WWOX: variants seen among roughly 807,000 people sequenced by gnomAD.
The protein encoded by WWOX is WW domain-containing oxidoreductase.
WWOX carries 69 observed loss-of-function variants against 46.2 expected under a neutral mutation model. The observed-to-expected ratio is 1.49, with a 90% confidence interval of 1.23 to 1.82. The LOEUF is 1.82. Among genes scored for constraint, WWOX ranks in the 40% most tolerant of loss-of-function variants. WWOX has a pLI of 0.00. For synonymous variants in WWOX, 359 were observed against 202.6 expected, an observed-to-expected ratio of 1.77 and a Z score of -6.56; for missense variants, 919 against 542.6, an observed-to-expected ratio of 1.69 and a Z score of -6.89.
rs115066692 is a variant in WWOX at position 78,112,953 on chromosome 16, G to T, written c.231-2023G>T. ...ACTTCTGGCCTTCAGCGATCCTCCT[G>T]CCTTGACTTCCCAAAGCATTCATAT... On this transcript the variant is annotated intron_variant, in intron 3 of 8. Coordinates refer to ENST00000566780, the MANE Select transcript of WWOX (RefSeq NM_016373.4). Among the ~76,000 whole-genome samples, 316 of 152,078 alleles carry T rather than the reference G, an allele frequency of 2.1e-3. 1 individual carries two copies. The highest frequency in any genetic ancestry group is 7.4e-3 in the African/African-American group (307 of 41,490).
At chr16:78,858,256 G>C (rs1048275395) in intron 8 of WWOX, among the ~76,000 whole-genome samples, 4 of 149,734 alleles carry the variant, frequency 2.7e-5, no homozygotes, top group Non-Finnish European at 5.9e-5. Context: ...AAGTTCTTTA[G>C]TGGCGATTTA....
intron 7 of WWOX, among the ~76,000 whole-genome samples, chr16:78,428,488 CAG>C (rs1382700825): frequency 2.6e-5 from 4 of 152,200 alleles, no homozygotes; most frequent in African/African-American, 9.7e-5. Flanking sequence ...GGGCTCTTTG[CAG>C]AGAGAGTGCC....
At chr16:78,751,140 C>G (rs903128322) in intron 8 of WWOX, among the ~76,000 whole-genome samples, 15 of 152,136 alleles carry the variant, frequency 9.9e-5, no homozygotes, top group Admixed American at 6.5e-5. Flanking sequence ...ACCATTCCTA[C>G]TTCCAAAAAG....
intron 8 of WWOX, among the ~76,000 whole-genome samples, chr16:78,597,669 T>C (rs544023574): frequency 6.6e-6 from 1 of 152,156 alleles, no homozygotes; most frequent in South Asian, 2.1e-4. Flanking sequence ...TCCAAACCCC[T>C]AAATTGTGGT....
chr16:79,050,478 C>T (rs983682246), intron 8 of WWOX, among the ~76,000 whole-genome samples: 6 of 152,184 alleles, frequency 3.9e-5, no homozygotes, highest in African/African-American at 1.4e-4. Context: ...CTGGCATACC[C>T]ATTCCTCTGT....
chr16:78,130,883 G>A (rs968192178), intron 4 of WWOX, among the ~76,000 whole-genome samples: 1 of 152,192 alleles, frequency 6.6e-6, no homozygotes, highest in Non-Finnish European at 1.5e-5. Flanking sequence ...TCTGAGAAGT[G>A]TGTCAGGCAG....
chr16:79,069,497 C>G (rs1398155899), intron 8 of WWOX, among the ~76,000 whole-genome samples: 2 of 151,160 alleles, frequency 1.3e-5, no homozygotes, highest in East Asian at 1.9e-4. Context: ...TAAGAACCGA[C>G]TTATTTATCA....
At chr16:78,753,943 G>C (rs151193182) in intron 8 of WWOX, among the ~76,000 whole-genome samples, 188 of 147,316 alleles carry the variant, frequency 1.3e-3, no homozygotes, top group Middle Eastern at 3.6e-3. Flanking sequence ...GGCAGAAACA[G>C]GGGAATTCTG....
At chr16:78,659,753 T>A (rs2047169982) in intron 8 of WWOX, among the ~76,000 whole-genome samples, 1 of 152,204 alleles carries the variant, frequency 6.6e-6, no homozygotes, top group Admixed American at 6.5e-5. Flanking sequence ...TTTGCCCACA[T>A]GAAGATAGAA....
intron 8 of WWOX, among the ~76,000 whole-genome samples, chr16:78,586,307 G>A (rs2045206105): frequency 6.6e-6 from 1 of 152,302 alleles, no homozygotes; most frequent in Non-Finnish European, 1.5e-5. Flanking sequence ...TAAAAAGAAA[G>A]AGGTTTGGTG....
chr16:78,715,403 C>A (rs1265623939), intron 8 of WWOX, among the ~76,000 whole-genome samples: 1 of 152,134 alleles, frequency 6.6e-6, no homozygotes, highest in South Asian at 2.1e-4. Context: ...AGATGGCCAC[C>A]ACAGGTTCAC....
At chr16:78,933,871 G>C (rs759898899) in intron 8 of WWOX, among the ~76,000 whole-genome samples, 1 of 151,918 alleles carries the variant, frequency 6.6e-6, no homozygotes, top group African/African-American at 2.4e-5. Flanking sequence ...CATGAGATTT[G>C]GGTGGGGACA....
intron 5 of WWOX, among the ~76,000 whole-genome samples, chr16:78,198,953 A>G (rs2036145076): frequency 6.6e-6 from 1 of 151,734 alleles, no homozygotes; most frequent in Non-Finnish European, 1.5e-5. Flanking sequence ...CAATCCCTCT[A>G]CCTCTTCTTT....
At chr16:78,517,535 A>G (rs532075105) in intron 8 of WWOX, among the ~76,000 whole-genome samples, 1 of 152,328 alleles carries the variant, frequency 6.6e-6, no homozygotes, top group Non-Finnish European at 1.5e-5. Flanking sequence ...GTGGGATTCA[A>G]CAGGGGATAC....
intron 5 of WWOX, among the ~76,000 whole-genome samples, chr16:78,186,864 A>G (rs1265478754): frequency 6.6e-6 from 1 of 152,204 alleles, no homozygotes; most frequent in Non-Finnish European, 1.5e-5. Context: ...GGTTCTGGGT[A>G]CCCTTAACCC....
intron 8 of WWOX, among the ~76,000 whole-genome samples, chr16:78,474,141 T>C (rs765619971): frequency 2.3e-4 from 35 of 152,256 alleles, no homozygotes; most frequent in Middle Eastern, 3.2e-3. Flanking sequence ...TACACGTTTA[T>C]GGATTGAAAT....
intron 8 of WWOX, among the ~76,000 whole-genome samples, chr16:78,539,996 T>TC: frequency 8.1e-6 from 1 of 123,524 alleles, no homozygotes; most frequent in African/African-American, 3.1e-5. Context: ...TCTCTCTCTC[T>TC]TTCTCTCTCT....
chr16:79,189,153 C>T (rs1314055946), intron 8 of WWOX, among the ~76,000 whole-genome samples: 7 of 152,246 alleles, frequency 4.6e-5, no homozygotes, highest in Non-Finnish European at 8.8e-5. Context: ...ATTGGACTTT[C>T]TGTTTCCAGC....
At chr16:78,387,386 G>A (rs149172055) in intron 6 of WWOX, among the ~76,000 whole-genome samples, 2 of 152,174 alleles carry the variant, frequency 1.3e-5, no homozygotes, top group African/African-American at 4.8e-5. Flanking sequence ...TAAAGCCTTC[G>A]ATGATTTGAT....
Sources: allele counts gnomAD v4.1 joint callset (sites outside exome capture counted in the v4.1 genomes callset), GRCh38; gene constraint gnomAD v4.1.1; transcripts MANE v1.5; gene names NCBI Gene and HGNC (gene_info 2026-07-23, HGNC 2026-07-21).